CFAP299: variants seen among roughly 807,000 people sequenced by gnomAD.
The protein encoded by CFAP299 is cilia and flagella associated protein 299, also known as cilia- and flagella-associated protein 299.
In CFAP299, 21 loss-of-function variants were observed where a neutral mutation model predicts 27.0. The observed-to-expected ratio is 0.78, with a 90% CI of 0.55 to 1.12. The LOEUF (loss-of-function observed/expected upper bound fraction) is 1.12. Ranked by LOEUF, CFAP299 falls within the 50% of genes most tolerant of loss-of-function variation. CFAP299 has a pLI of 0.00. For synonymous variants in CFAP299, 104 were observed against 98.1 expected (o/e 1.06, Z -0.36); for missense variants, 310 against 276.6 (o/e 1.12, Z -0.86).
rs1329482481 is a variant in CFAP299 at position 80,531,100 on chromosome 4, C to A, written c.243-51993C>A. ...GAGGCAGAGGAAGAAGTAGGAAGAT[C>A]AATTAAAAGACTAGTTTTATAATCT... On this transcript the variant is annotated intron_variant, in intron 2 of 5. Coordinates refer to ENST00000358105, the MANE Select transcript of CFAP299 (RefSeq NM_152770.3). 5.9e-5 allele frequency among the ~76,000 whole-genome samples: 9 copies of A among 152,000 alleles called. 1 individual carries two copies. The highest frequency in any genetic ancestry group is 2.2e-4 in the African/African-American group (9 of 41,364).
rs868094682 is a variant in CFAP299 at position 80,394,886 on chromosome 4, C to G, written c.242+32002C>G. On this transcript the variant is annotated intron_variant, in intron 2 of 5. Coordinates refer to ENST00000358105, the MANE Select transcript of CFAP299 (RefSeq NM_152770.3). ...TACCTCCAGCTTTGCTCTTTTTGCT[C>G]AAGATTTCTTTGGCTATTTGGGGTC... Among the ~76,000 whole-genome samples the G allele has an allele frequency of 2.0e-5, 3 of 151,930 alleles. No individual in the cohort carries two copies. In the South Asian group the frequency reaches 6.2e-4, roughly 32 times the overall value.
intron 2 of CFAP299, among the ~76,000 whole-genome samples, chr4:80,543,456 A>G (rs1734095466): frequency 6.6e-6 from 1 of 152,258 alleles, no homozygotes. Flanking sequence ...CAGGGAAAGC[A>G]GTAAAATAAC....
At chr4:80,612,846 C>G (rs2109919564) in intron 3 of CFAP299, among the ~76,000 whole-genome samples, 1 of 152,174 alleles carries the variant, frequency 6.6e-6, no homozygotes. Flanking sequence ...TGGGCACTCA[C>G]TTTCATTTAG....
intron 3 of CFAP299, among the ~76,000 whole-genome samples, chr4:80,735,741 T>A (rs551951940): frequency 6.6e-6 from 1 of 152,302 alleles, no homozygotes; most frequent in South Asian, 2.1e-4. Flanking sequence ...ATCAGATTGA[T>A]TGATTTGCAT....
intron 2 of CFAP299, among the ~76,000 whole-genome samples, chr4:80,472,293 T>G (rs1360198555): frequency 6.6e-6 from 1 of 152,204 alleles, no homozygotes; most frequent in Non-Finnish European, 1.5e-5. Context: ...ATTTTGAGGC[T>G]TCTTAGGTTT....
chr4:80,858,954 C>G (rs908362780), intron 3 of CFAP299, among the ~76,000 whole-genome samples: 53 of 152,100 alleles, frequency 3.5e-4, no homozygotes, highest in Non-Finnish European at 7.2e-4. Flanking sequence ...AGTTCAATTC[C>G]TGGGTATCCT....
At chr4:80,604,653 AG>A (rs1481334811) in intron 3 of CFAP299, among the ~76,000 whole-genome samples, 2 of 152,330 alleles carry the variant, frequency 1.3e-5, no homozygotes, top group African/African-American at 4.8e-5. Context: ...AAGTTCATTT[AG>A]GCAAACATGA....
chr4:80,405,330 C>T (rs901635372), intron 2 of CFAP299, among the ~76,000 whole-genome samples: 4 of 152,056 alleles, frequency 2.6e-5, no homozygotes, highest in Non-Finnish European at 4.4e-5. Flanking sequence ...TACTGTATGG[C>T]GTTAGATCAA....
At chr4:80,403,854 G>C (rs1351538977) in intron 2 of CFAP299, among the ~76,000 whole-genome samples, 2 of 152,006 alleles carry the variant, frequency 1.3e-5, no homozygotes, top group African/African-American at 4.8e-5. Context: ...TTAAATATTA[G>C]GTTGTCAACT....
chr4:80,804,682 G>A (rs1230145644), intron 3 of CFAP299, among the ~76,000 whole-genome samples: 4 of 152,014 alleles, frequency 2.6e-5, no homozygotes. Context: ...TGTGATATTT[G>A]TATAGCTACC....
chr4:80,722,450 C>T (rs1388643819), intron 3 of CFAP299, among the ~76,000 whole-genome samples: 1 of 150,546 alleles, frequency 6.6e-6, no homozygotes, highest in Admixed American at 6.6e-5. Flanking sequence ...AAAAAGAAAA[C>T]CTGATAAATT....
At chr4:80,953,955 A>G (rs1168928421) in intron 5 of CFAP299, among the ~76,000 whole-genome samples, 1 of 152,226 alleles carries the variant, frequency 6.6e-6, no homozygotes, top group Non-Finnish European at 1.5e-5. Context: ...TGCCAAAAGT[A>G]AAAGGGACCC....
At chr4:80,747,491 G>T (rs1724689887) in intron 3 of CFAP299, among the ~76,000 whole-genome samples, 1 of 151,992 alleles carries the variant, frequency 6.6e-6, no homozygotes, top group Non-Finnish European at 1.5e-5. Flanking sequence ...TATATAGTAG[G>T]ATTCTGAAAA....
chr4:80,607,887 G>T, intron 3 of CFAP299, among the ~76,000 whole-genome samples: 1 of 152,290 alleles, frequency 6.6e-6, no homozygotes, highest in East Asian at 1.9e-4. Flanking sequence ...TTATGGTCAT[G>T]AATCTTTCAT....
chr4:80,625,570 A>G (rs941270156), intron 3 of CFAP299, among the ~76,000 whole-genome samples: 1 of 152,028 alleles, frequency 6.6e-6, no homozygotes, highest in East Asian at 1.9e-4. Flanking sequence ...TTCTCCCATC[A>G]AAAGGTGTAA....
At chr4:80,360,596 A>C (rs534598286) in intron 1 of CFAP299, among the ~76,000 whole-genome samples, 77 of 152,324 alleles carry the variant, frequency 5.1e-4, no homozygotes, top group African/African-American at 1.7e-3. Flanking sequence ...ATGTATTACT[A>C]TTGTAAGTAG....
At position 80,884,143 on chromosome 4, in the gene CFAP299, A is replaced by G. The variant is rs1481697118; in HGVS notation, c.476+14008A>G. The stretch of plus-strand genomic sequence containing the variant: ...ATTCTCCACTTTCAACAATGTACAG[A>G]TAAAACAAAAATTCAGAAAGAAAAC... On this transcript the variant is annotated intron_variant, in intron 4 of 5. Coordinates refer to ENST00000358105, the MANE Select transcript of CFAP299 (RefSeq NM_152770.3). Among the ~76,000 whole-genome samples, 3 of 152,204 alleles carry G rather than the reference A, an allele frequency of 2.0e-5. No homozygotes were observed. The East Asian group carries it at 5.8e-4, about 29-fold the overall frequency.
intron 5 of CFAP299, among the ~76,000 whole-genome samples, chr4:80,948,748 G>A (rs1358977918): frequency 6.6e-6 from 1 of 151,712 alleles, no homozygotes; most frequent in Non-Finnish European, 1.5e-5. Context: ...GCCATCACCT[G>A]GAAAAATGCC....
intron 2 of CFAP299, among the ~76,000 whole-genome samples, chr4:80,551,596 T>C (rs999585427): frequency 3.9e-5 from 6 of 152,260 alleles, no homozygotes; most frequent in Admixed American, 2.6e-4. Flanking sequence ...AATAGTACCA[T>C]GGTTCTAGAA....
Sources: allele counts gnomAD v4.1 joint callset (sites outside exome capture counted in the v4.1 genomes callset), GRCh38; gene constraint gnomAD v4.1.1; transcripts MANE v1.5; gene names NCBI Gene and HGNC (gene_info 2026-07-23, HGNC 2026-07-21).